The following PPP1R17 variants were observed in gnomAD, a reference collection of about 807,000 sequenced individuals.
PPP1R17 encodes protein phosphatase 1 regulatory subunit 17.
In PPP1R17, 12 loss-of-function variants were observed where a neutral mutation model predicts 15.9. That is an observed-to-expected ratio of 0.75 (90% CI 0.48 to 1.22). The LOEUF (loss-of-function observed/expected upper bound fraction) is 1.22. PPP1R17 is among the 50% of genes most tolerant of loss of function. PPP1R17 has a pLI of 0.00. For synonymous variants in PPP1R17, 63 were observed against 64.5 expected (o/e 0.98, Z 0.11); for missense variants, 211 against 187.3 (o/e 1.13, Z -0.74).
chr7:31,692,093 C>A (rs1792379708), intron 1 of PPP1R17, among the ~76,000 whole-genome samples: 1 of 152,202 alleles, frequency 6.6e-6, no homozygotes, highest in Non-Finnish European at 1.5e-5. Flanking sequence ...AGCTAATTCA[C>A]TTCTTATTCA....
intron 1 of PPP1R17, among the ~76,000 whole-genome samples, chr7:31,689,924 C>T (rs915352822): frequency 6.6e-6 from 1 of 152,214 alleles, no homozygotes; most frequent in African/African-American, 2.4e-5. Flanking sequence ...TTCACCACCA[C>T]CATTCTTTAA....
chr7:31,693,301 C>G (rs190406070), intron 2 of PPP1R17, among the ~76,000 whole-genome samples: 23 of 152,304 alleles, frequency 1.5e-4, no homozygotes, highest in Non-Finnish European at 1.5e-5. Flanking sequence ...GTTTGTACCT[C>G]AAGAGACCCA....
chr7:31,697,130 G>T lies in PPP1R17; in HGVS notation c.388+13G>T, dbSNP rs752376060. 5.6e-6 allele frequency: 9 copies of T among 1,613,028 alleles called. No individual in the cohort carries two copies. Among genetic ancestry groups the T allele is most frequent in the Non-Finnish European group, 6.8e-6 (8 of 1,179,668 alleles). ...CCCTTTGCAGCAGGTAAAAAAGCTG[G>T]TGCAGGGCATTTGCAGGGGGTGATG... On this transcript the variant is annotated intron_variant, in intron 4 of 4. Transcript: ENST00000342032.
At chr7:31,700,248 A>T (rs991038650) in intron 4 of PPP1R17, among the ~76,000 whole-genome samples, 1 of 152,246 alleles carries the variant, frequency 6.6e-6, no homozygotes, top group African/African-American at 2.4e-5. Context: ...CAGTGAACAC[A>T]GGAATGATAT....
At chr7:31,701,414 G>A (rs1792843245) in intron 4 of PPP1R17, among the ~76,000 whole-genome samples, 1 of 152,226 alleles carries the variant, frequency 6.6e-6, no homozygotes, top group Admixed American at 6.5e-5. Context: ...TGGATGAAGA[G>A]TTGCTTCTGA....
At chr7:31,707,094 C>A (rs1208348848) in intron 4 of PPP1R17, 110 bp from the exon 5 acceptor site, 2 of 931,092 alleles carry the variant, frequency 2.1e-6, no homozygotes, top group Non-Finnish European at 1.6e-6. Context: ...ACCTTGTAGA[C>A]ACTAAGAGGT....
At chr7:31,693,542 T>C (rs1327153403) in intron 2 of PPP1R17, among the ~76,000 whole-genome samples, 1 of 152,224 alleles carries the variant, frequency 6.6e-6, no homozygotes, top group Non-Finnish European at 1.5e-5. Flanking sequence ...CTCAGTTTCC[T>C]CATCTTCAAC....
intron 4 of PPP1R17, among the ~76,000 whole-genome samples, chr7:31,697,718 A>G (rs1379715375): frequency 6.6e-6 from 1 of 152,184 alleles, no homozygotes; most frequent in Non-Finnish European, 1.5e-5. Flanking sequence ...TGTATTTTAT[A>G]CAGATTGTTG....
In PPP1R17 at chr7:31,707,233, A is replaced by G. The variant is rs371590710; in HGVS notation, c.418A>G (p.Lys140Glu). 1.9e-6 allele frequency: 3 copies of G among 1,613,958 alleles called. No individual in the cohort carries two copies. The highest frequency in any genetic ancestry group is 1.3e-5 in the African/African-American group (1 of 74,930). ...GVTLLRDERP[K>E]AIVEDDEKDG... ...GACATTGCTCAGGGACGAGAGACCC[A>G]AAGCAATCGTGGAAGATGACGAAAA... The change falls in exon 5 of 5, where the codon AAA becomes GAA. Residue 140 changes from lysine to glutamate, a missense_variant. By Grantham distance (56) the Lys-to-Glu change is moderately conservative. Transcript: ENST00000342032.
At chr7:31,692,757 G>C (rs1792412330) in intron 2 of PPP1R17, among the ~76,000 whole-genome samples, 1 of 152,100 alleles carries the variant, frequency 6.6e-6, no homozygotes, top group South Asian at 2.1e-4. Context: ...GAGAGAGAAA[G>C]AGAGAGAGAG....
Position 31,697,031 on chromosome 7 carries a change from TC to T in PPP1R17, c.305del (p.Pro102LeufsTer30). On this transcript the variant is annotated frameshift_variant, in exon 4 of 5. Coordinates refer to ENST00000342032, the MANE Select transcript of PPP1R17 (RefSeq NM_006658.5). LOFTEE classifies it high-confidence loss of function. ...GAGAGACATCCAAAGGGCAAAATGA[TC>T]CCTGTTCTTCATAACACTGACCTGG... ...VQERHPKGKMIPVLHNTDLEQ... is the reference protein window; with the variant it reads ...VQERHPKGKMXPVLHNTDLEQ... 1 of 1,614,138 alleles carries T rather than the reference TC, an allele frequency of 6.2e-7. No homozygotes were observed. Among genetic ancestry groups the T allele is most frequent in the Non-Finnish European group, 8.5e-7 (1 of 1,180,000 alleles).
chr7:31,695,754 G>A (rs558891413), intron 3 of PPP1R17, 133 bp downstream of exon 3: 104 of 824,618 alleles, frequency 1.3e-4, no homozygotes, highest in Admixed American at 2.9e-4. Flanking sequence ...CTGTATCTCT[G>A]TATTAGTTAC....
At chr7:31,702,816 G>A (rs553051192) in intron 4 of PPP1R17, among the ~76,000 whole-genome samples, 11 of 152,188 alleles carry the variant, frequency 7.2e-5, no homozygotes, top group African/African-American at 2.4e-4. Context: ...TGTTTTATCT[G>A]GCAATCACAA....
At chr7:31,691,180 G>A (rs1792325582) in intron 1 of PPP1R17, among the ~76,000 whole-genome samples, 1 of 152,182 alleles carries the variant, frequency 6.6e-6, no homozygotes, top group Non-Finnish European at 1.5e-5. Flanking sequence ...CTGTGCTCAA[G>A]TGATCAGTTA....
At chr7:31,697,975 G>T (rs150088835) in intron 4 of PPP1R17, among the ~76,000 whole-genome samples, 232 of 152,296 alleles carry the variant, frequency 1.5e-3, no homozygotes, top group African/African-American at 5.5e-3. Context: ...GATCAAAGAT[G>T]AGATGACTAG....
At chr7:31,699,477 A>G (rs894238202) in intron 4 of PPP1R17, among the ~76,000 whole-genome samples, 2 of 152,206 alleles carry the variant, frequency 1.3e-5, no homozygotes, top group Admixed American at 1.3e-4. Context: ...CTAATTTAAG[A>G]ATAATAGACA....
intron 4 of PPP1R17, among the ~76,000 whole-genome samples, chr7:31,702,178 T>C (rs988160234): frequency 1.3e-5 from 2 of 151,466 alleles, no homozygotes; most frequent in African/African-American, 4.9e-5. Flanking sequence ...AATTGTGATA[T>C]GGCTTAAATC....
At chr7:31,702,104 C>T (rs768581506) in intron 4 of PPP1R17, among the ~76,000 whole-genome samples, 1 of 152,100 alleles carries the variant, frequency 6.6e-6, no homozygotes, top group Non-Finnish European at 1.5e-5. Context: ...CTGGTACTAC[C>T]TATTAGTCTT....
intron 1 of PPP1R17, among the ~76,000 whole-genome samples, chr7:31,689,580 T>A (rs1349780032): frequency 6.6e-6 from 1 of 152,040 alleles, no homozygotes; most frequent in East Asian, 1.9e-4. Flanking sequence ...TTAGACCGGC[T>A]CATGTCTTAA....
Sources: gnomAD v4.1 joint callset for allele counts (sites outside exome capture counted in the v4.1 genomes callset) on GRCh38, gnomAD v4.1.1 for gene constraint, MANE v1.5 for transcripts, NCBI Gene and HGNC (gene_info 2026-07-23, HGNC 2026-07-21) for gene names.